Variants in ADGRL1 observed in about 807,000 individuals in gnomAD.
ADGRL1 encodes the protein adhesion G protein-coupled receptor L1.
A neutral mutation model predicts 148.9 loss-of-function variants in ADGRL1; 31 were observed. The ratio of observed to expected loss-of-function variants is 0.21; its 90% CI spans 0.16 to 0.28. ADGRL1 has a LOEUF of 0.28. ADGRL1 is among the 10% of genes least tolerant of loss of function. ADGRL1 has a pLI of 1.00. For synonymous variants in ADGRL1, 937 were observed against 900.3 expected (o/e 1.04, Z -0.73); for missense variants, 1,521 against 2,058.8 (o/e 0.74, Z 5.05).
chr19:14,189,247 G>T (rs1465989831), intron 1 of ADGRL1, among the ~76,000 whole-genome samples: 3 of 148,718 alleles, frequency 2.0e-5, no homozygotes, highest in Non-Finnish European at 4.5e-5. Flanking sequence ...TTAGATGGGG[G>T]TCTCACTCTG....
chr19:14,156,907 T>G lies in ADGRL1; in HGVS notation c.2966+18A>C, dbSNP rs540481564. The G allele has an allele frequency of 1.0e-4, 166 of 1,604,844 alleles. 1 individual carries two copies. In the South Asian group the frequency reaches 1.7e-3, roughly 16 times the overall value. On this transcript the variant is annotated intron_variant, in intron 15 of 22. Coordinates refer to ENST00000361434, the MANE Select transcript of ADGRL1 (RefSeq NM_014921.5). ...GGAACCAGGTGGGAGGGTGCAGGGC[T>G]GGGAGGTGGAAACTCACGCCTTCTC...
At position 14,155,913 on chromosome 19, in the gene ADGRL1, G is replaced by A. The variant is rs1284618892; in HGVS notation, c.3125+197C>T. On this transcript the variant is annotated intron_variant, in intron 17 of 22. Transcript: ENST00000361434. This position sits in a 1 kb window ranked among gnomAD's most constrained non-coding sequence, Gnocchi z 5.0. ...ATGCCCCTAAAACCACAGGTTGGAC[G>A]TGCTAATGATACGCTATCTAAGACC... 6 of 596,120 alleles carry A rather than the reference G, an allele frequency of 1.0e-5. No individual in the cohort carries two copies. The highest frequency in any genetic ancestry group is 2.0e-5 in the South Asian group (1 of 50,018). 36.9% of individuals were successfully genotyped at this position (596,120 alleles called of 1,614,324 possible).
chr19:14,174,837 GTT>G (rs34608406), intron 3 of ADGRL1, among the ~76,000 whole-genome samples: 16,168 of 110,136 alleles, frequency 0.15, 1,004 homozygotes, highest in African/African-American at 0.19. Context: ...CACCTGGTCT[GTT>G]TTTTTTTTTT....
rs1967965056 is a variant in ADGRL1, at chr19:14,149,731, T to G, written c.*1142A>C. The G allele has an allele frequency of 6.6e-6, 1 of 152,262 alleles. No individual in the cohort carries two copies. Among genetic ancestry groups the G allele is most frequent in the South Asian group, 2.1e-4 (1 of 4,804 alleles). 9.4% of individuals were successfully genotyped at this position (152,262 alleles called of 1,614,324 possible). On this transcript the variant is annotated 3_prime_UTR_variant, in exon 23 of 23. Transcript: ENST00000361434. The stretch of plus-strand genomic sequence containing the variant: ...TCTTTGTTTCGCTGTTGCATCTAGA[T>G]TTTGTTTTCTGTCTCTGGATTGTAA...
chr19:14,179,462 A>C (rs376776963), intron 2 of ADGRL1, among the ~76,000 whole-genome samples: 68 of 151,534 alleles, frequency 4.5e-4, no homozygotes, highest in African/African-American at 8.5e-4. Context: ...CCACTGCACT[A>C]CAGCCTGGGC....
Position 14,161,678 on chromosome 19 carries a change from A to G in ADGRL1, c.1196-52T>C. Reference sequence around the variant, plus strand: ...ATCCCCATGCTCAGGGCCATGCCACAGTGTGCTTGGGCAGGGGGTCCCAGG... The same window carrying G: ...ATCCCCATGCTCAGGGCCATGCCACGGTGTGCTTGGGCAGGGGGTCCCAGG... On this transcript the variant is annotated intron_variant, in intron 5 of 22. Coordinates refer to ENST00000361434, the MANE Select transcript of ADGRL1 (RefSeq NM_014921.5). This position sits in a 1 kb window ranked among gnomAD's most constrained non-coding sequence, Gnocchi z 4.4. 1 of 1,266,658 alleles carries G rather than the reference A, an allele frequency of 7.9e-7. No homozygotes were observed. The highest frequency in any genetic ancestry group is 1.0e-6 in the Non-Finnish European group (1 of 985,446). 78.5% of individuals were successfully genotyped at this position (1,266,658 alleles called of 1,614,324 possible).
At chr19:14,158,780 C>T (rs1969035545) in intron 11 of ADGRL1, among the ~76,000 whole-genome samples, 1 of 152,242 alleles carries the variant, frequency 6.6e-6, no homozygotes, top group East Asian at 1.9e-4. Context: ...TGCCAGGACA[C>T]ACAAGCTGGG....
chr19:14,162,628 G>C lies in ADGRL1; in HGVS notation c.1173C>G (p.Phe391Leu), dbSNP rs199752117. Residue 391 changes from phenylalanine (F) to leucine (L), a missense_variant, in exon 5 of 23, where the codon TTC becomes TTG. This residue lies in a region of ADGRL1 where 270 missense variants were observed against 320.4 expected (regional missense o/e 0.84). Coordinates refer to ENST00000361434, the MANE Select transcript of ADGRL1 (RefSeq NM_014921.5). The surrounding 1 kb of genome is among the most constrained non-coding windows in gnomAD (Gnocchi z 5.4). Reference sequence around the variant, plus strand: ...CACCAGCACTGGGGTCGGGCGGCCCGAACTCCAGGCTGTAGCGCACCACGA... The same window carrying C: ...CACCAGCACTGGGGTCGGGCGGCCCCAACTCCAGGCTGTAGCGCACCACGA... ...NYFVVRYSLE[F>L]GPPDPSAGPA... The C allele has an allele frequency of 1.9e-6, 3 of 1,607,626 alleles. 1 individual carries two copies. Among genetic ancestry groups the C allele is most frequent in the Non-Finnish European group, 2.6e-6 (3 of 1,174,876 alleles).
intron 12 of ADGRL1, 98 bp downstream of exon 12, chr19:14,158,240 C>G: frequency 7.4e-7 from 1 of 1,356,264 alleles, no homozygotes; most frequent in South Asian, 1.2e-5. Context: ...GAACCCATAA[C>G]TTGTTCTGGA....
Position 14,149,191 on chromosome 19 carries a change from TCAG to T in ADGRL1, c.*1679_*1681del, listed in dbSNP as rs2144559935. ...GAGAGGAGGGGGCCGGGACAGGTGC[TCAG>T]GACACATCCCGAGCCTGGAGCTTCC... On this transcript the variant is annotated 3_prime_UTR_variant, in exon 23 of 23. Transcript: ENST00000361434. The T allele has an allele frequency of 6.6e-6, 1 of 152,218 alleles. No homozygotes were observed. Among genetic ancestry groups the T allele is most frequent in the Non-Finnish European group, 1.5e-5 (1 of 68,134 alleles). 9.4% of individuals were successfully genotyped at this position (152,218 alleles called of 1,614,324 possible).
rs753796887 is a variant in ADGRL1 at position 14,147,857 on chromosome 19, G to A, written c.*3016C>T. 3 of 150,972 alleles carry A rather than the reference G, an allele frequency of 2.0e-5. No homozygotes were observed. The highest frequency in any genetic ancestry group is 4.4e-5 in the Non-Finnish European group (3 of 67,750). The allele number at this position is 150,972 out of a possible 1,614,324, so 9.4% of individuals were successfully genotyped here. A position where few individuals can be genotyped will look rare whatever the true frequency, so the allele number is the denominator to read the frequency against. On this transcript the variant is annotated 3_prime_UTR_variant, in exon 23 of 23. Coordinates refer to ENST00000361434, the MANE Select transcript of ADGRL1 (RefSeq NM_014921.5). ...GTTATGAGCCTTTTGTTTTGTTCTCGTTAAATGCACTCGACCCAAAATTGG... is the reference window on the plus strand; with the variant it reads ...GTTATGAGCCTTTTGTTTTGTTCTCATTAAATGCACTCGACCCAAAATTGG...
rs1449674337 is a variant in ADGRL1 at position 14,155,401 on chromosome 19, C to CTGGAAGGCG, written c.3243_3251dup (p.Phe1083_Gln1084insHisAlaPhe). ...AGTGAAAGACGAAGATGAAGACCCC[C>CTGGAAGGCG]TGGAAGGCGTTGAAGGTGGTGAAGA... On this transcript the variant is annotated inframe_insertion, in exon 18 of 23. Transcript: ENST00000361434. This position sits in a 1 kb window ranked among gnomAD's most constrained non-coding sequence, Gnocchi z 5.0. 1 of 1,614,136 alleles carries CTGGAAGGCG rather than the reference C, an allele frequency of 6.2e-7. No individual in the cohort carries two copies. The highest frequency in any genetic ancestry group is 1.3e-5 in the African/African-American group (1 of 75,052).
At chr19:14,158,872 C>G (rs907324451) in intron 11 of ADGRL1, among the ~76,000 whole-genome samples, 2 of 152,234 alleles carry the variant, frequency 1.3e-5, no homozygotes, top group Non-Finnish European at 2.9e-5. Flanking sequence ...GCCCCATCCT[C>G]TCTGAGCTGT....
Position 14,151,439 on chromosome 19 carries a change from C to T in ADGRL1, c.3844G>A (p.Glu1282Lys). Residue 1282 changes from glutamate (E) to lysine (K), a missense_variant, in exon 23 of 23, where the codon GAG becomes AAG. This residue lies in a region of ADGRL1 where 390 missense variants were observed against 375.0 expected (regional missense o/e 1.04). Transcript: ENST00000361434. ...AAAFEKMIIS[E>K]LVHNNLRGSS... ...CCCCGCAGGTTGTTGTGCACCAGCT[C>T]TGAGATGATCATCTTCTCAAAGGCC... is the stretch of plus-strand genomic sequence containing the variant. 6.2e-7 allele frequency: 1 copy of T among 1,612,946 alleles called. No individual in the cohort carries two copies. The highest frequency in any genetic ancestry group is 1.1e-5 in the South Asian group (1 of 91,026).
chr19:14,193,946 C>T (rs571137045), intron 1 of ADGRL1, among the ~76,000 whole-genome samples: 43 of 152,230 alleles, frequency 2.8e-4, no homozygotes, highest in Admixed American at 1.3e-4. Context: ...AGCTGGGAGG[C>T]GACACAATTC....
At chr19:14,185,286 TTCTC>T (rs566995029) in intron 1 of ADGRL1, among the ~76,000 whole-genome samples, 28 of 151,922 alleles carry the variant, frequency 1.8e-4, no homozygotes, top group Non-Finnish European at 3.4e-4. Context: ...GAAACACACA[TTCTC>T]TCTCTCTCTT....
Position 14,150,931 on chromosome 19 carries a change from C to T in ADGRL1, c.4352G>A (p.Gly1451Asp), listed in dbSNP as rs1283761738. 4 of 1,611,420 alleles carry T rather than the reference C, an allele frequency of 2.5e-6. No individual in the cohort carries two copies. The highest frequency in any genetic ancestry group is 3.4e-6 in the Non-Finnish European group (4 of 1,179,488). The change falls in exon 23 of 23, where the codon GGC becomes GAC. Residue 1451 changes from glycine to aspartate, a missense_variant. Around this residue, in one of 8 missense-constraint regions of ADGRL1, gnomAD observed 390 missense variants for 375.0 expected, o/e 1.04. Coordinates refer to ENST00000361434, the MANE Select transcript of ADGRL1 (RefSeq NM_014921.5). The part of the protein sequence containing the change: ...PSHEGYLAAP[G>D]LEGPGPDGDG... ...CCCATCGGGCCCTGGCCCCTCAAGG[C>T]CTGGGGCTGCCAGGTAGCCCTCGTG...
At chr19:14,192,392 C>G (rs1972001853) in intron 1 of ADGRL1, among the ~76,000 whole-genome samples, 1 of 151,802 alleles carries the variant, frequency 6.6e-6, no homozygotes, top group African/African-American at 2.4e-5. Context: ...AGTCACACGC[C>G]ACCACGCCTG....
intron 2 of ADGRL1, among the ~76,000 whole-genome samples, chr19:14,179,133 C>T (rs367998291): frequency 4.0e-4 from 60 of 151,688 alleles, no homozygotes; most frequent in Non-Finnish European, 4.9e-4. Context: ...GCAGTGAGCC[C>T]AGATCGTGCC....
Sources: gnomAD v4.1 joint callset for allele counts (sites outside exome capture counted in the v4.1 genomes callset) on GRCh38, gnomAD v4.1.1 for gene constraint, gnomAD v4.1.1 regional missense constraint, Gnocchi (gnomAD v3.1) non-coding constraint, MANE v1.5 for transcripts, NCBI Gene and HGNC (gene_info 2026-07-23, HGNC 2026-07-21) for gene names.